PALM2AKAP2: variants seen among roughly 807,000 people sequenced by gnomAD.
PALM2AKAP2 encodes the protein PALM2-AKAP2 fusion protein.
PALM2AKAP2 carries 37 observed loss-of-function variants against 71.5 expected under a neutral mutation model. The ratio of observed to expected loss-of-function variants is 0.52; its 90% CI spans 0.40 to 0.68. The LOEUF (loss-of-function observed/expected upper bound fraction) is 0.68. Among genes scored for constraint, PALM2AKAP2 ranks in the 30% least tolerant of loss-of-function variants. The pLI is 0.00. For missense variants in PALM2AKAP2, 1,224 were observed against 1,191.8 expected (o/e 1.03, Z -0.40); for synonymous variants, 468 against 478.8 (o/e 0.98, Z 0.29).
chr9:110,073,746 G>A (rs76676550), intron 1 of PALM2AKAP2, among the ~76,000 whole-genome samples: 1,809 of 152,192 alleles, frequency 0.012, 40 homozygotes, highest in African/African-American at 0.041. Flanking sequence ...TTTTCTCTGG[G>A]GAAGTTCTGA....
chr9:110,038,305 G>C (rs1288328447), intron 7 of PALM2AKAP2, among the ~76,000 whole-genome samples: 4 of 151,790 alleles, frequency 2.6e-5, no homozygotes, highest in Non-Finnish European at 4.4e-5. Context: ...ACTCCAGCCT[G>C]GGTGACAGAG....
chr9:109,919,030 C>T (rs1238557017), intron 3 of PALM2AKAP2, among the ~76,000 whole-genome samples: 1 of 152,204 alleles, frequency 6.6e-6, no homozygotes, highest in African/African-American at 2.4e-5. Context: ...AGCCAGTGGG[C>T]ATCAGGTCGC....
At chr9:110,088,701 G>GTTTTTTTTTTTTTTTT (rs1834628344) in intron 1 of PALM2AKAP2, among the ~76,000 whole-genome samples, 1 of 65,682 alleles carries the variant, frequency 1.5e-5, no homozygotes. Context: ...TTGCATTTAC[G>GTTTTTTTTTTTTTTTT]TGTTTTTTTT....
intron 6 of PALM2AKAP2, among the ~76,000 whole-genome samples, chr9:109,963,085 G>A (rs1264352349): frequency 6.6e-6 from 1 of 152,172 alleles, no homozygotes; most frequent in African/African-American, 2.4e-5. Flanking sequence ...CATCCTGGAG[G>A]AGTTCGGTTT....
chr9:109,880,823 G>T, intron 3 of PALM2AKAP2, 142 bp downstream of exon 3: 1 of 1,279,096 alleles, frequency 7.8e-7, no homozygotes, highest in Non-Finnish European at 1.0e-6. Context: ...CATTGATGTT[G>T]TTTAAACTTT....
chr9:109,705,675 G>T (rs1828132458), intron 1 of PALM2AKAP2, among the ~76,000 whole-genome samples: 1 of 152,174 alleles, frequency 6.6e-6, no homozygotes, highest in Non-Finnish European at 1.5e-5. Context: ...AAGGAAGGTG[G>T]TATTTGTCCT....
intron 1 of PALM2AKAP2, among the ~76,000 whole-genome samples, chr9:109,725,172 G>C (rs1443046853): frequency 6.6e-6 from 1 of 152,128 alleles, no homozygotes; most frequent in Non-Finnish European, 1.5e-5. Flanking sequence ...CCTAGGGTTG[G>C]CAAGAACATG....
chr9:109,873,358 C>A (rs554347735), intron 2 of PALM2AKAP2, among the ~76,000 whole-genome samples: 9 of 152,046 alleles, frequency 5.9e-5, no homozygotes, highest in Non-Finnish European at 1.0e-4. Flanking sequence ...ATCACTTGAA[C>A]CTGGGAGGTG....
At chr9:109,993,263 C>T (rs1832517910) in intron 6 of PALM2AKAP2, among the ~76,000 whole-genome samples, 1 of 151,702 alleles carries the variant, frequency 6.6e-6, no homozygotes, top group Non-Finnish European at 1.5e-5. Flanking sequence ...ACTCCATTTC[C>T]CAGCTTTGCC....
intron 1 of PALM2AKAP2, among the ~76,000 whole-genome samples, chr9:109,671,356 A>G (rs1827569154): frequency 6.6e-6 from 1 of 152,206 alleles, no homozygotes; most frequent in Non-Finnish European, 1.5e-5. Flanking sequence ...TTTATTGAAT[A>G]GAGATTTCTT....
intron 2 of PALM2AKAP2, among the ~76,000 whole-genome samples, chr9:110,142,807 C>G (rs1324578922): frequency 6.6e-6 from 1 of 152,172 alleles, no homozygotes; most frequent in East Asian, 1.9e-4. Context: ...AGCCAGACAA[C>G]CAAGAGCTCT....
At chr9:110,106,128 G>A (rs1835115545) in intron 1 of PALM2AKAP2, among the ~76,000 whole-genome samples, 1 of 152,138 alleles carries the variant, frequency 6.6e-6, no homozygotes, top group Admixed American at 6.5e-5. Flanking sequence ...ATTTTGCATT[G>A]GTAAGAGTTG....
intron 1 of PALM2AKAP2, 73 bp from the exon 8 acceptor site, chr9:110,136,054 G>A: frequency 1.3e-6 from 2 of 1,485,094 alleles, no homozygotes; most frequent in Non-Finnish European, 1.8e-6. Flanking sequence ...TTAATTATGA[G>A]TCAGTTTGTC....
Position 109,923,866 on chromosome 9 carries a change from C to A in PALM2AKAP2, c.372+17C>A, listed in dbSNP as rs757822054. 1 of 1,559,176 alleles carries A rather than the reference C, an allele frequency of 6.4e-7. No individual in the cohort carries two copies. Among genetic ancestry groups the A allele is most frequent in the South Asian group, 1.2e-5 (1 of 81,822 alleles). ...TTTCAGAAGGTGAAGAAAACCAAAA[C>A]GATTTCTCAAAGTTATTTCCATGGG... On this transcript the variant is annotated intron_variant, in intron 4 of 9. Coordinates refer to the PALM2AKAP2 transcript ENST00000302798.
chr9:109,946,850 T>C (rs1375938268), intron 6 of PALM2AKAP2: 1 of 152,160 alleles, frequency 6.6e-6, no homozygotes, highest in Non-Finnish European at 1.5e-5. Flanking sequence ...TAAAGATTAA[T>C]TCTACATATC....
At chr9:110,087,058 G>A (rs761267706) in intron 1 of PALM2AKAP2, among the ~76,000 whole-genome samples, 1 of 152,064 alleles carries the variant, frequency 6.6e-6, no homozygotes, top group Non-Finnish European at 1.5e-5. Context: ...CTTTGCTCTT[G>A]CTATCCTTCC....
upstream of PALM2AKAP2, among the ~76,000 whole-genome samples, chr9:109,776,778 A>G (rs1322235756): frequency 6.6e-6 from 1 of 152,222 alleles, no homozygotes; most frequent in African/African-American, 2.4e-5. Context: ...CCTGGCCAGA[A>G]GCATTTTGAA....
chr9:110,075,967 C>A (rs1285663266), intron 1 of PALM2AKAP2, among the ~76,000 whole-genome samples: 1 of 151,894 alleles, frequency 6.6e-6, no homozygotes. Context: ...TATATAGTCT[C>A]AAAAGTGTTA....
chr9:110,031,586 C>T (rs983676000), intron 7 of PALM2AKAP2, among the ~76,000 whole-genome samples: 3 of 152,156 alleles, frequency 2.0e-5, no homozygotes, highest in Non-Finnish European at 4.4e-5. Flanking sequence ...ATTCTTACCA[C>T]AACCCTATGA....
Sources: gnomAD v4.1 joint callset for allele counts (sites outside exome capture counted in the v4.1 genomes callset) on GRCh38, gnomAD v4.1.1 for gene constraint, MANE v1.5 for transcripts, NCBI Gene and HGNC (gene_info 2026-07-23, HGNC 2026-07-21) for gene names.